COL5A1: variants seen among roughly 807,000 people sequenced by gnomAD.
The protein encoded by COL5A1 is collagen type V alpha 1 chain.
Under a neutral mutation model 263.7 loss-of-function variants are expected in COL5A1, and 16 were observed. The ratio of observed to expected loss-of-function variants is 0.06; its 90% CI spans 0.04 to 0.09. COL5A1 has a LOEUF of 0.09. Ranked by LOEUF, COL5A1 falls within the 10% of genes least tolerant of loss-of-function variation. The pLI is 1.00. For synonymous variants in COL5A1, 1,012 were observed against 1,004.5 expected, an observed-to-expected ratio of 1.01 and a Z score of -0.14; for missense variants, 2,036 against 2,540.5, an observed-to-expected ratio of 0.80 and a Z score of 4.27.
intron 1 of COL5A1, among the ~76,000 whole-genome samples, chr9:134,661,504 C>T (rs1832202134): frequency 1.3e-5 from 2 of 151,932 alleles, no homozygotes; most frequent in Non-Finnish European, 2.9e-5. Flanking sequence ...ACCCACCAGT[C>T]CTGTGAGGTC....
rs1836258284 is a variant in COL5A1, at chr9:134,760,042, A to ACACG, written c.1935+1746_1935+1747insCACG. ...CACACACACCCACGCACACACGCAC[A>ACACG]TACACACCCACACACCCCCACACTC... On this transcript the variant is annotated intron_variant, in intron 18 of 65. Coordinates refer to ENST00000371817, the MANE Select transcript of COL5A1 (RefSeq NM_000093.5). Among the ~76,000 whole-genome samples, 5 of 93,316 alleles carry ACACG rather than the reference A, an allele frequency of 5.4e-5. No homozygotes were observed. The Admixed American group carries it at 6.4e-4, about 12-fold the overall frequency. The allele number at this position is 93,316 out of a possible 152,430, so 61.2% of individuals were successfully genotyped here.
intron 4 of COL5A1, among the ~76,000 whole-genome samples, chr9:134,726,177 C>T (rs146010397): frequency 6.6e-6 from 1 of 152,236 alleles, no homozygotes; most frequent in African/African-American, 2.4e-5. Context: ...TTTCTCACAA[C>T]AGGCAAAAGC....
intron 21 of COL5A1, 126 bp from the exon 22 acceptor site, chr9:134,766,328 G>T: frequency 1.1e-6 from 1 of 903,688 alleles, no homozygotes; most frequent in South Asian, 1.4e-5. Context: ...CTTCCCCAGA[G>T]AGCATCCCGT....
At chr9:134,750,490 A>G in intron 11 of COL5A1, 52 bp from the exon 12 acceptor site, 1 of 1,547,514 alleles carries the variant, frequency 6.5e-7, no homozygotes, top group Non-Finnish European at 8.9e-7. Context: ...GCTGCAGCCC[A>G]GCCCTGGCCT....
At chr9:134,671,754 G>A (rs1245029236) in intron 1 of COL5A1, among the ~76,000 whole-genome samples, 1 of 152,208 alleles carries the variant, frequency 6.6e-6, no homozygotes, top group East Asian at 1.9e-4. Flanking sequence ...TGTCTGTTTT[G>A]CAGCATTTAA....
Position 134,652,856 on chromosome 9 carries a change from T to C in COL5A1, c.109+10560T>C, listed in dbSNP as rs1831743164. The C allele has an allele frequency of 2.6e-6, 1 of 382,196 alleles. No individual in the cohort carries two copies. The highest frequency in any genetic ancestry group is 2.1e-5 in the African/African-American group (1 of 47,222). 23.7% of individuals were successfully genotyped at this position (382,196 alleles called of 1,614,324 possible). A position where few individuals can be genotyped will look rare whatever the true frequency, so the allele number is the denominator to read the frequency against. On this transcript the variant is annotated intron_variant, in intron 1 of 65. Coordinates refer to ENST00000371817, the MANE Select transcript of COL5A1 (RefSeq NM_000093.5). This position sits in a 1 kb window ranked among gnomAD's most constrained non-coding sequence, Gnocchi z 4.4. ...CCGAGGCCTCTCTTAAGGCACAGAT[T>C]GTTTCTGACTCAGGAGGCCTTGGGT...
chr9:134,818,821 C>T lies in COL5A1; in HGVS notation c.4339-27C>T, dbSNP rs753096583. ...GAGTGGAGGGACGGGGGACCAGCAA[C>T]TCATGCAGAGCGTCTCTGTGTTTCA... On this transcript the variant is annotated intron_variant, in intron 55 of 65. Coordinates refer to ENST00000371817, the MANE Select transcript of COL5A1 (RefSeq NM_000093.5). This position sits in a 1 kb window ranked among gnomAD's most constrained non-coding sequence, Gnocchi z 6.0. 38 of 1,612,980 alleles carry T rather than the reference C, an allele frequency of 2.4e-5. No individual in the cohort carries two copies. Among genetic ancestry groups the T allele is most frequent in the Non-Finnish European group, 3.2e-5 (38 of 1,179,864 alleles).
intron 2 of COL5A1, among the ~76,000 whole-genome samples, chr9:134,695,725 C>G (rs987420530): frequency 1.3e-5 from 2 of 152,210 alleles, no homozygotes; most frequent in Non-Finnish European, 2.9e-5. Context: ...CTTCCTCACT[C>G]TATCTTCGAC....
In COL5A1 at chr9:134,765,614, AG is replaced by A. The variant is rs989267176; in HGVS notation, c.2035-63del. 4.9e-6 allele frequency: 7 copies of A among 1,439,368 alleles called. No homozygotes were observed. In the Admixed American group the frequency reaches 5.0e-5, roughly 10 times the overall value. The allele number at this position is 1,439,368 out of a possible 1,614,324, so 89.2% of individuals were successfully genotyped here. A position where few individuals can be genotyped will look rare whatever the true frequency, so the allele number is the denominator to read the frequency against. On this transcript the variant is annotated intron_variant, in intron 20 of 65. Transcript: ENST00000371817. This position sits in a 1 kb window ranked among gnomAD's most constrained non-coding sequence, Gnocchi z 5.1. Reference sequence around the variant, plus strand: ...GGTGGAGTCAGGGCCAAGTGGGCATAGGGGACAGAGAGGAGGGCTGGGATTT... The same window carrying A: ...GGTGGAGTCAGGGCCAAGTGGGCATAGGGACAGAGAGGAGGGCTGGGATTT...
intron 36 of COL5A1, among the ~76,000 whole-genome samples, chr9:134,798,116 C>A (rs1837981040): frequency 6.6e-6 from 1 of 152,190 alleles, no homozygotes; most frequent in African/African-American, 2.4e-5. Flanking sequence ...GCTGGCTGGA[C>A]CTCAGGATAC....
At chr9:134,796,757 C>G (rs181772890) in intron 35 of COL5A1, 91 bp from the exon 36 acceptor site, 8 of 1,179,568 alleles carry the variant, frequency 6.8e-6, no homozygotes, top group Non-Finnish European at 1.0e-5. Context: ...ATGACACCTG[C>G]GTTCAGAGAG....
intron 41 of COL5A1, among the ~76,000 whole-genome samples, chr9:134,805,456 G>A (rs1031044417): frequency 5.3e-5 from 8 of 152,166 alleles, no homozygotes; most frequent in East Asian, 1.9e-4. Context: ...CCTGGAGGGC[G>A]GGAGGAGCCA....
At chr9:134,664,478 C>T (rs552755956) in intron 1 of COL5A1, among the ~76,000 whole-genome samples, 1 of 152,306 alleles carries the variant, frequency 6.6e-6, no homozygotes, top group East Asian at 1.9e-4. Context: ...GCAAGGAACT[C>T]CCACTGATCA....
intron 4 of COL5A1, among the ~76,000 whole-genome samples, chr9:134,708,279 G>A (rs1390224807): frequency 1.3e-5 from 2 of 152,132 alleles, no homozygotes; most frequent in Admixed American, 6.5e-5. Context: ...CTCCATCACT[G>A]GCCAGGCAGC....
chr9:134,643,767 C>T (rs531836602), intron 1 of COL5A1, among the ~76,000 whole-genome samples: 5 of 152,140 alleles, frequency 3.3e-5, no homozygotes, highest in Admixed American at 2.0e-4. Flanking sequence ...GTGCCATTGC[C>T]GGGGGACTAG....
chr9:134,642,106 T>A lies in COL5A1; in HGVS notation c.-82T>A. ...GTGGTGCGGTCCCTGCTGAGTGCGCTGCCCGGGCCGTGACCCGCGCCCCTG... is the reference window on the plus strand; with the variant it reads ...GTGGTGCGGTCCCTGCTGAGTGCGCAGCCCGGGCCGTGACCCGCGCCCCTG... On this transcript the variant is annotated 5_prime_UTR_variant, in exon 1 of 66. Coordinates refer to ENST00000371817, the MANE Select transcript of COL5A1 (RefSeq NM_000093.5). The surrounding 1 kb of genome is among the most constrained non-coding windows in gnomAD (Gnocchi z 4.5). 1 of 1,170,656 alleles carries A rather than the reference T, an allele frequency of 8.5e-7. No individual in the cohort carries two copies. Among genetic ancestry groups the A allele is most frequent in the Non-Finnish European group, 1.1e-6 (1 of 933,694 alleles). The allele number at this position is 1,170,656 out of a possible 1,614,324, so 72.5% of individuals were successfully genotyped here. A position where few individuals can be genotyped will look rare whatever the true frequency, so the allele number is the denominator to read the frequency against.
intron 4 of COL5A1, among the ~76,000 whole-genome samples, chr9:134,705,327 C>T (rs983815248): frequency 2.6e-5 from 4 of 152,226 alleles, no homozygotes; most frequent in African/African-American, 2.4e-5. Flanking sequence ...GGTATAGACG[C>T]GGAGCCTGAG....
Position 134,835,597 on chromosome 9 carries a change from T to G in COL5A1, c.5370+393T>G, listed in dbSNP as rs1196374776. Among the ~76,000 whole-genome samples the G allele has an allele frequency of 2.6e-5, 4 of 152,214 alleles. No individual in the cohort carries two copies. The East Asian group carries it at 7.7e-4, about 29-fold the overall frequency. On this transcript the variant is annotated intron_variant, in intron 65 of 65. Transcript: ENST00000371817. ...GGAGTGGCCAGAACTAAGCTGGGCC[T>G]GTTCCCGAGAGCACGGCCGTCTGGA...
chr9:134,809,021 G>A (rs1237892141), intron 42 of COL5A1, 162 bp from the exon 43 acceptor site: 19 of 696,472 alleles, frequency 2.7e-5, no homozygotes, highest in Non-Finnish European at 4.7e-5. Context: ...GCTCAGAGTC[G>A]GCCCTCAGTG....
Sources: gnomAD v4.1 joint callset for allele counts (sites outside exome capture counted in the v4.1 genomes callset) on GRCh38, gnomAD v4.1.1 for gene constraint, Gnocchi (gnomAD v3.1) non-coding constraint, MANE v1.5 for transcripts, NCBI Gene and HGNC (gene_info 2026-07-23, HGNC 2026-07-21) for gene names.